The following PTCHD4 variants were observed in gnomAD, a reference collection of about 807,000 sequenced individuals.
PTCHD4 encodes the protein patched domain-containing protein 4.
In PTCHD4, 33 loss-of-function variants were observed where a neutral mutation model predicts 58.1. That is an observed-to-expected ratio of 0.57 (90% confidence interval 0.43 to 0.76). The LOEUF (loss-of-function observed/expected upper bound fraction) is 0.76. Ranked by LOEUF, PTCHD4 falls within the 30% of genes least tolerant of loss-of-function variation. The probability of loss-of-function intolerance (pLI) is 0.00; values close to 1 mark genes in which losing one functional copy is unlikely to be tolerated. For missense variants in PTCHD4, 1,058 were observed against 1,027.1 expected (o/e 1.03, Z -0.41); for synonymous variants, 478 against 409.6 (o/e 1.17, Z -2.02).
At chr6:48,006,600 G>C (rs1480149998) in intron 4 of PTCHD4, among the ~76,000 whole-genome samples, 1 of 152,122 alleles carries the variant, frequency 6.6e-6, no homozygotes, top group Admixed American at 6.5e-5. Flanking sequence ...AGTGTAAATG[G>C]TTCAAATCTA....
intron 4 of PTCHD4, among the ~76,000 whole-genome samples, chr6:47,909,834 C>T (rs1288937117): frequency 6.6e-6 from 1 of 151,910 alleles, no homozygotes; most frequent in Non-Finnish European, 1.5e-5. Flanking sequence ...CTGTCCTTCT[C>T]TTCTAATTAA....
chr6:47,963,532 T>G (rs1022819403), intron 4 of PTCHD4, among the ~76,000 whole-genome samples: 2 of 152,176 alleles, frequency 1.3e-5, no homozygotes, highest in Non-Finnish European at 2.9e-5. Flanking sequence ...ATATCTGCAC[T>G]CCCATGTTCA....
Position 48,044,909 on chromosome 6 carries a change from G to A in PTCHD4, c.417+23321C>T, listed in dbSNP as rs1389249100. Among the ~76,000 whole-genome samples, 4 of 151,902 alleles carry A rather than the reference G, an allele frequency of 2.6e-5. No homozygotes were observed. In the East Asian group the frequency reaches 5.8e-4, roughly 22 times the overall value. On this transcript the variant is annotated intron_variant, in intron 3 of 4. Coordinates refer to ENST00000339488, the MANE Select transcript of PTCHD4 (RefSeq NM_001384253.1). ...TAAGATTTAGAGGCTACAATTCTAG[G>A]TAGAATTTGCAAGCCGAATTTATAT...
chr6:47,976,669 A>AATAC (rs1210467452), intron 4 of PTCHD4, among the ~76,000 whole-genome samples: 35 of 149,984 alleles, frequency 2.3e-4, no homozygotes, highest in African/African-American at 8.5e-4. Context: ...TAAATAAATA[A>AATAC]ATAAATAAAT....
chr6:47,878,719 C>A lies in PTCHD4; in HGVS notation c.2116G>T (p.Asp706Tyr). 1 of 1,613,514 alleles carries A rather than the reference C, an allele frequency of 6.2e-7. No individual in the cohort carries two copies. Among genetic ancestry groups the A allele is most frequent in the Non-Finnish European group, 8.5e-7 (1 of 1,179,726 alleles). Residue 706 changes from aspartate to tyrosine, a missense_variant, in exon 5 of 5, where the codon GAC becomes TAC. Physicochemically the swap from Asp to Tyr is radical, Grantham distance 160 (BLOSUM62 -3). Transcript: ENST00000339488. ...CACAAGATAGAAATGCAATCCATGT[C>A]GACGTTCCATAATGTCATTAAGCCC... ...VLGLMTLWNV[D>Y]MDCISILCLI... is the part of the protein sequence containing the mutation.
chr6:48,102,470 A>G (rs1380141886), intron 1 of PTCHD4, among the ~76,000 whole-genome samples: 3 of 152,200 alleles, frequency 2.0e-5, no homozygotes, highest in South Asian at 2.1e-4. Flanking sequence ...TTTAAAAACT[A>G]TTCTTGAGGG....
chr6:48,066,577 C>T (rs1344455748), intron 3 of PTCHD4, among the ~76,000 whole-genome samples: 1 of 152,154 alleles, frequency 6.6e-6, no homozygotes, highest in Non-Finnish European at 1.5e-5. Flanking sequence ...CTTTAGCAAG[C>T]AATAATGTTG....
chr6:48,079,970 ATT>A (rs141629864), intron 1 of PTCHD4, among the ~76,000 whole-genome samples: 2,362 of 74,962 alleles, frequency 0.032, 1 homozygote, highest in Non-Finnish European at 0.042. Context: ...CCTTATGATG[ATT>A]TTTTTTTTTT....
At chr6:48,045,194 C>A (rs1159887250) in intron 3 of PTCHD4, among the ~76,000 whole-genome samples, 2 of 151,740 alleles carry the variant, frequency 1.3e-5, no homozygotes, top group African/African-American at 4.8e-5. Context: ...CCAGGAGAGA[C>A]AACTGCATGC....
chr6:47,992,683 T>C (rs540770603), intron 4 of PTCHD4, among the ~76,000 whole-genome samples: 44 of 152,350 alleles, frequency 2.9e-4, no homozygotes, highest in African/African-American at 9.4e-4. Context: ...AGTATAGATG[T>C]AATAAAATTA....
At chr6:47,904,839 A>G (rs1237521271) in intron 4 of PTCHD4, among the ~76,000 whole-genome samples, 1 of 152,188 alleles carries the variant, frequency 6.6e-6, no homozygotes, top group Non-Finnish European at 1.5e-5. Context: ...CAAAAGCTCT[A>G]AATGCTATGA....
intron 4 of PTCHD4, among the ~76,000 whole-genome samples, chr6:47,883,852 T>C (rs75534252): frequency 0.012 from 1,890 of 152,256 alleles, 43 homozygotes; most frequent in African/African-American, 0.043. Context: ...TTGGCTTCAA[T>C]TGAAAATTAT....
At chr6:48,019,267 A>T (rs764224118) in intron 3 of PTCHD4, among the ~76,000 whole-genome samples, 20 of 152,064 alleles carry the variant, frequency 1.3e-4, no homozygotes, top group Non-Finnish European at 2.8e-4. Flanking sequence ...CAGTGAGCAC[A>T]TGCTCTGTGC....
intron 4 of PTCHD4, among the ~76,000 whole-genome samples, chr6:47,954,339 A>G (rs1766770238): frequency 6.6e-6 from 1 of 152,242 alleles, no homozygotes; most frequent in Non-Finnish European, 1.5e-5. Context: ...CATGGGCAGC[A>G]GAGTGAGACT....
chr6:47,966,420 A>G (rs1295562710), intron 4 of PTCHD4, among the ~76,000 whole-genome samples: 1 of 152,196 alleles, frequency 6.6e-6, no homozygotes, highest in Non-Finnish European at 1.5e-5. Flanking sequence ...TTGCTGGTGA[A>G]GGGCCTTGCC....
intron 4 of PTCHD4, among the ~76,000 whole-genome samples, chr6:47,957,232 A>G (rs2113960268): frequency 6.7e-6 from 1 of 148,330 alleles, no homozygotes; most frequent in African/African-American, 2.4e-5. Flanking sequence ...AAATTCAAAG[A>G]GTATGATGGT....
chr6:47,884,385 A>G (rs1432559176), intron 4 of PTCHD4, among the ~76,000 whole-genome samples: 1 of 152,080 alleles, frequency 6.6e-6, no homozygotes, highest in South Asian at 2.1e-4. Context: ...AGAAGCCCCA[A>G]TTTTCTCTTT....
rs117934670 is a variant in PTCHD4, at chr6:47,994,764, C to T, written c.898+13870G>A. Among the ~76,000 whole-genome samples, 50 of 152,224 alleles carry T rather than the reference C, an allele frequency of 3.3e-4. No individual in the cohort carries two copies. The East Asian group carries it at 8.1e-3, about 25-fold the overall frequency. On this transcript the variant is annotated intron_variant, in intron 4 of 4. Coordinates refer to ENST00000339488, the MANE Select transcript of PTCHD4 (RefSeq NM_001384253.1). ...CTTCTCTGCCTTGGCTGAAATGCTA[C>T]GGAAACACAGCAGTGCTGAGCTGAG...
chr6:48,088,645 A>G, intron 1 of PTCHD4, among the ~76,000 whole-genome samples: 1 of 152,204 alleles, frequency 6.6e-6, no homozygotes, highest in East Asian at 1.9e-4. Context: ...TCGATGAACT[A>G]AAACGCTGTG....
Sources: allele counts gnomAD v4.1 joint callset (sites outside exome capture counted in the v4.1 genomes callset), GRCh38; gene constraint gnomAD v4.1.1; transcripts MANE v1.5; gene names NCBI Gene and HGNC (gene_info 2026-07-23, HGNC 2026-07-21).